GRID2: variants seen among roughly 807,000 people sequenced by gnomAD.
GRID2 encodes glutamate receptor ionotropic, delta-2.
Under a neutral mutation model 114.8 loss-of-function variants are expected in GRID2, and 33 were observed. The ratio of observed to expected loss-of-function variants is 0.29; its 90% CI spans 0.22 to 0.38. The LOEUF (loss-of-function observed/expected upper bound fraction) is 0.38. GRID2 is among the 10% of genes least tolerant of loss of function. The probability of loss-of-function intolerance (pLI) is 1.00; values close to 1 mark genes in which losing one functional copy is unlikely to be tolerated. For missense variants in GRID2, 1,184 were observed against 1,257.7 expected, an observed-to-expected ratio of 0.94 and a Z score of 0.89; for synonymous variants, 505 against 449.9, an observed-to-expected ratio of 1.12 and a Z score of -1.55.
At chr4:92,389,331 A>G (rs1038380409) in intron 1 of GRID2, among the ~76,000 whole-genome samples, 1 of 152,016 alleles carries the variant, frequency 6.6e-6, no homozygotes, top group Non-Finnish European at 1.5e-5. Context: ...ACAACTTCAA[A>G]AACTATTTTC....
chr4:93,130,618 G>T (rs1042789989), intron 4 of GRID2, among the ~76,000 whole-genome samples: 1 of 152,086 alleles, frequency 6.6e-6, no homozygotes, highest in African/African-American at 2.4e-5. Flanking sequence ...TTGCTTAATG[G>T]ACGGATACCT....
At chr4:92,932,877 T>C (rs1327911222) in intron 2 of GRID2, among the ~76,000 whole-genome samples, 2 of 151,320 alleles carry the variant, frequency 1.3e-5, no homozygotes, top group African/African-American at 4.8e-5. Context: ...ATTTGTAAAG[T>C]AGGCAAACTA....
At chr4:93,792,200 A>C (rs1734707470) in intron 1 of GRID2, among the ~76,000 whole-genome samples, 1 of 152,190 alleles carries the variant, frequency 6.6e-6, no homozygotes, top group African/African-American at 2.4e-5. Flanking sequence ...AATCATCAGA[A>C]AACAAAGACT....
chr4:93,583,160 C>T (rs1737157784), intron 13 of GRID2, among the ~76,000 whole-genome samples: 1 of 152,186 alleles, frequency 6.6e-6, no homozygotes, highest in African/African-American at 2.4e-5. Context: ...AAGTTAGAAT[C>T]ATCCTAATCT....
intron 1 of GRID2, among the ~76,000 whole-genome samples, chr4:92,433,667 TATA>T (rs1309283603): frequency 2.0e-5 from 3 of 152,206 alleles, no homozygotes; most frequent in African/African-American, 7.2e-5. Flanking sequence ...CTGTCCTCAA[TATA>T]ATGTTACAAC....
rs1734211067 is a variant in GRID2, at chr4:93,772,760, A to G, written c.*262A>G. On this transcript the variant is annotated 3_prime_UTR_variant, in exon 16 of 16. Transcript: ENST00000282020. ...CAAGAAGGTAGTGTACTAGGATCCT[A>G]TTAGTCTGCTTTTCATATACTGTAC... 3 of 441,170 alleles carry G rather than the reference A, an allele frequency of 6.8e-6. No individual in the cohort carries two copies. The South Asian group carries it at 1.5e-4, about 23-fold the overall frequency. 27.3% of individuals were successfully genotyped at this position (441,170 alleles called of 1,614,324 possible).
intron 2 of GRID2, among the ~76,000 whole-genome samples, chr4:92,848,565 C>A (rs780446138): frequency 5.9e-5 from 9 of 151,852 alleles, no homozygotes; most frequent in African/African-American, 1.2e-4. Flanking sequence ...AAGTGCAAAT[C>A]GGAGGCCTTG....
rs79103454 is a variant in GRID2 at position 92,932,364 on chromosome 4, G to C, written c.245-152631G>C. On this transcript the variant is annotated intron_variant, in intron 2 of 15. Transcript: ENST00000282020. The stretch of plus-strand genomic sequence containing the variant: ...TTTTGCACAACTACAATGGCTTTTA[G>C]ACACACACACATACATGCACACATG... 9.3e-4 allele frequency among the ~76,000 whole-genome samples: 141 copies of C among 151,164 alleles called. 1 individual carries two copies. The highest frequency in any genetic ancestry group is 3.2e-3 in the African/African-American group (134 of 41,404).
chr4:93,304,662 T>G (rs562587732), intron 8 of GRID2, among the ~76,000 whole-genome samples: 3 of 152,224 alleles, frequency 2.0e-5, no homozygotes, highest in African/African-American at 7.2e-5. Flanking sequence ...GGGGAAAACA[T>G]TTTTTGCTTA....
intron 8 of GRID2, among the ~76,000 whole-genome samples, chr4:93,373,474 T>C (rs1159880078): frequency 6.6e-6 from 1 of 152,204 alleles, no homozygotes; most frequent in Non-Finnish European, 1.5e-5. Context: ...CTGATTATCT[T>C]ATTCTTATTT....
intron 14 of GRID2, among the ~76,000 whole-genome samples, chr4:93,739,037 G>T (rs1731155399): frequency 6.6e-6 from 1 of 151,986 alleles, no homozygotes; most frequent in Non-Finnish European, 1.5e-5. Context: ...AAAGAGAGCA[G>T]CCATCAGTAG....
intron 2 of GRID2, among the ~76,000 whole-genome samples, chr4:92,676,378 C>T (rs949705076): frequency 6.6e-6 from 1 of 151,900 alleles, no homozygotes; most frequent in African/African-American, 2.4e-5. Flanking sequence ...GACGGGGTTT[C>T]ACTGTGTTAG....
At chr4:93,354,218 A>C (rs1477476273) in intron 8 of GRID2, among the ~76,000 whole-genome samples, 1 of 152,040 alleles carries the variant, frequency 6.6e-6, no homozygotes, top group Non-Finnish European at 1.5e-5. Flanking sequence ...CTTTTAAATG[A>C]GGTTCTTTGG....
At chr4:92,664,986 C>CTTTTT (rs201290131) in intron 2 of GRID2, among the ~76,000 whole-genome samples, 1 of 127,572 alleles carries the variant, frequency 7.8e-6, no homozygotes, top group Non-Finnish European at 1.7e-5. Flanking sequence ...CTCTGCCATT[C>CTTTTT]TTTTTTTTTT....
At chr4:92,410,524 T>C (rs1299549356) in intron 1 of GRID2, among the ~76,000 whole-genome samples, 1 of 152,230 alleles carries the variant, frequency 6.6e-6, no homozygotes, top group Non-Finnish European at 1.5e-5. Context: ...ACAGGATCTC[T>C]GGCTTCACAG....
chr4:93,265,265 A>G (rs1013822404), intron 8 of GRID2, among the ~76,000 whole-genome samples: 1 of 152,140 alleles, frequency 6.6e-6, no homozygotes, highest in Non-Finnish European at 1.5e-5. Flanking sequence ...AAACCAAAAA[A>G]TGTTTTAAAA....
At chr4:93,785,964 A>G (rs1423317913) in intron 1 of GRID2, among the ~76,000 whole-genome samples, 1 of 152,230 alleles carries the variant, frequency 6.6e-6, no homozygotes, top group South Asian at 2.1e-4. Flanking sequence ...TATTTAGCGC[A>G]AAGTAAGTTC....
At chr4:92,930,597 T>TC (rs1750155415) in intron 2 of GRID2, among the ~76,000 whole-genome samples, 1 of 149,412 alleles carries the variant, frequency 6.7e-6, no homozygotes, top group African/African-American at 2.4e-5. Context: ...TTTTTTTTTT[T>TC]TTGCCAATTC....
chr4:93,472,436 C>T (rs1412872976), intron 11 of GRID2, among the ~76,000 whole-genome samples: 1 of 152,036 alleles, frequency 6.6e-6, no homozygotes, highest in Non-Finnish European at 1.5e-5. Context: ...ATATGAAATA[C>T]TACTGAATAT....
Sources: gnomAD v4.1 joint callset for allele counts (sites outside exome capture counted in the v4.1 genomes callset) on GRCh38, gnomAD v4.1.1 for gene constraint, MANE v1.5 for transcripts, NCBI Gene and HGNC (gene_info 2026-07-23, HGNC 2026-07-21) for gene names.